SLC4A4: variants seen among roughly 807,000 people sequenced by gnomAD.
SLC4A4 encodes electrogenic sodium bicarbonate cotransporter 1.
In SLC4A4, 27 loss-of-function variants were observed where a neutral mutation model predicts 111.5. That is an observed-to-expected ratio of 0.24 (90% CI 0.18 to 0.33). SLC4A4 has a LOEUF of 0.33. SLC4A4 is among the 10% of genes least tolerant of loss of function. The pLI is 1.00. For missense variants in SLC4A4, 909 were observed against 1,315.5 expected (o/e 0.69, Z 4.78); for synonymous variants, 443 against 463.4 (o/e 0.96, Z 0.57).
chr4:71,316,712 C>T (rs2148861972), intron 3 of SLC4A4, among the ~76,000 whole-genome samples: 1 of 152,170 alleles, frequency 6.6e-6, no homozygotes, highest in Non-Finnish European at 1.5e-5. Context: ...TCCCTCCCCT[C>T]ACCTCCACAG....
chr4:71,520,851 G>T (rs569709444), intron 16 of SLC4A4, among the ~76,000 whole-genome samples: 4 of 151,692 alleles, frequency 2.6e-5, no homozygotes, highest in Non-Finnish European at 4.4e-5. Flanking sequence ...TTTTTTGGGG[G>T]GGTGGCTAGG....
At chr4:71,291,349 A>C (rs1369142426) in intron 3 of SLC4A4, among the ~76,000 whole-genome samples, 5 of 152,230 alleles carry the variant, frequency 3.3e-5, no homozygotes, top group South Asian at 2.1e-4. Context: ...ATTTAAAAAA[A>C]GTTAGTTATA....
At chr4:71,281,634 GA>G (rs1723523805) in intron 3 of SLC4A4, among the ~76,000 whole-genome samples, 1 of 152,188 alleles carries the variant, frequency 6.6e-6, no homozygotes, top group African/African-American at 2.4e-5. Flanking sequence ...CTTGATATGA[GA>G]AGTGATAATT....
chr4:71,102,659 C>G (rs1348248446), intron 2 of SLC4A4, among the ~76,000 whole-genome samples: 3 of 150,278 alleles, frequency 2.0e-5, no homozygotes, highest in Admixed American at 6.6e-5. Flanking sequence ...AATTTCATAT[C>G]CAGCCAAACT....
At chr4:71,370,810 A>T (rs988513034) in intron 6 of SLC4A4, among the ~76,000 whole-genome samples, 1 of 152,188 alleles carries the variant, frequency 6.6e-6, no homozygotes, top group East Asian at 1.9e-4. Flanking sequence ...TTTGTCGATA[A>T]AGTGTCAAGG....
At chr4:71,413,493 T>C (rs1721573892) in intron 7 of SLC4A4, among the ~76,000 whole-genome samples, 1 of 152,394 alleles carries the variant, frequency 6.6e-6, no homozygotes, top group East Asian at 1.9e-4. Flanking sequence ...TTAAGAGCTA[T>C]GTCTACTTGT....
chr4:71,497,656 G>GA lies in SLC4A4; in HGVS notation c.2136dup (p.Phe713IlefsTer4). ...GAACCTACACCTCTTCCATGGCTCT[G>GA]AAAAAATTCAAAACTAGTCCTTATT... On this transcript the variant is annotated frameshift_variant, in exon 16 of 26. Transcript: ENST00000264485. LOFTEE classifies it high-confidence loss of function. 6.2e-7 allele frequency: 1 copy of GA among 1,613,472 alleles called. No homozygotes were observed. Among genetic ancestry groups the GA allele is most frequent in the Non-Finnish European group, 8.5e-7 (1 of 1,179,684 alleles).
At chr4:71,078,457 A>G (rs1719752304) in intron 1 of SLC4A4, among the ~76,000 whole-genome samples, 2 of 152,204 alleles carry the variant, frequency 1.3e-5, no homozygotes, top group African/African-American at 4.8e-5. Context: ...AGAATTATCA[A>G]TTCAAGCAGG....
chr4:71,316,767 A>G (rs540100213), intron 3 of SLC4A4, among the ~76,000 whole-genome samples: 12 of 151,818 alleles, frequency 7.9e-5, no homozygotes, highest in Non-Finnish European at 4.4e-5. Context: ...ACATGTTCTC[A>G]TTGTTCAGCT....
chr4:71,220,712 AT>A (rs1196284701), intron 1 of SLC4A4, among the ~76,000 whole-genome samples: 5 of 151,256 alleles, frequency 3.3e-5, no homozygotes, highest in African/African-American at 7.3e-5. Flanking sequence ...TATTTTATTT[AT>A]TTTTTTTAAC....
intron 1 of SLC4A4, among the ~76,000 whole-genome samples, chr4:71,075,914 T>C (rs1279805639): frequency 6.6e-6 from 1 of 151,310 alleles, no homozygotes; most frequent in African/African-American, 2.4e-5. Context: ...TGAGCCAAGA[T>C]TGCCATTGCA....
At chr4:71,232,262 A>G (rs554909471) in intron 1 of SLC4A4, among the ~76,000 whole-genome samples, 4 of 152,298 alleles carry the variant, frequency 2.6e-5, no homozygotes, top group Admixed American at 6.5e-5. Flanking sequence ...GAATGCACCA[A>G]TCATTATTCT....
At chr4:71,531,868 T>G (rs1023528761) in intron 16 of SLC4A4, among the ~76,000 whole-genome samples, 194 bp from the exon 17 acceptor site, 1 of 151,888 alleles carries the variant, frequency 6.6e-6, no homozygotes, top group East Asian at 1.9e-4. Context: ...CATTACATTA[T>G]CTAGCCAGGT....
chr4:71,304,168 G>C (rs906810324), intron 3 of SLC4A4, among the ~76,000 whole-genome samples: 1 of 152,160 alleles, frequency 6.6e-6, no homozygotes, highest in Non-Finnish European at 1.5e-5. Context: ...AGAACCAAGA[G>C]GGTATATGGA....
rs1195331834 is a variant in SLC4A4 at position 71,091,292 on chromosome 4, G to T, written c.-64-1438G>T. ...TTTTGAGCCGGAGTCTTGCTTTGTTGCCCGGGCTGGAGTGCAGTGGCATGA... is the reference window on the plus strand; with the variant it reads ...TTTTGAGCCGGAGTCTTGCTTTGTTTCCCGGGCTGGAGTGCAGTGGCATGA... On this transcript the variant is annotated intron_variant, in intron 1 of 26. Transcript: ENST00000649996. Among the ~76,000 whole-genome samples the T allele has an allele frequency of 8.0e-5, 11 of 137,082 alleles. No individual in the cohort carries two copies. The Admixed American group carries it at 8.5e-4, about 11-fold the overall frequency. 89.9% of individuals were successfully genotyped at this position (137,082 alleles called of 152,430 possible).
At chr4:71,153,450 G>A (rs1014331465) in intron 2 of SLC4A4, among the ~76,000 whole-genome samples, 8 of 152,058 alleles carry the variant, frequency 5.3e-5, no homozygotes, top group Non-Finnish European at 7.4e-5. Context: ...AGGGAGTGAC[G>A]AAAAGACAGA....
chr4:71,513,389 A>G (rs1732098663), intron 16 of SLC4A4, among the ~76,000 whole-genome samples: 2 of 151,702 alleles, frequency 1.3e-5, no homozygotes, highest in South Asian at 2.1e-4. Context: ...ATTGTATTGT[A>G]TCTCTTGTAA....
At chr4:71,379,684 C>T (rs1457144629) in intron 6 of SLC4A4, among the ~76,000 whole-genome samples, 1 of 152,168 alleles carries the variant, frequency 6.6e-6, no homozygotes, top group Non-Finnish European at 1.5e-5. Flanking sequence ...TGGTGCCAAA[C>T]ATAATGTCAC....
chr4:71,525,000 C>T (rs1733291296), intron 16 of SLC4A4, among the ~76,000 whole-genome samples: 1 of 152,086 alleles, frequency 6.6e-6, no homozygotes, highest in Admixed American at 6.6e-5. Context: ...AAAGTGAAAA[C>T]CAAATGTCCT....
Sources: allele counts gnomAD v4.1 joint callset (sites outside exome capture counted in the v4.1 genomes callset), GRCh38; gene constraint gnomAD v4.1.1; transcripts MANE v1.5; gene names NCBI Gene and HGNC (gene_info 2026-07-23, HGNC 2026-07-21).